LRP1B: variants seen among roughly 807,000 people sequenced by gnomAD.
LRP1B encodes low-density lipoprotein receptor-related protein 1B.
A neutral mutation model predicts 556.6 loss-of-function variants in LRP1B; 217 were observed. That is an observed-to-expected ratio of 0.39 (90% CI 0.35 to 0.44). The LOEUF (loss-of-function observed/expected upper bound fraction) is 0.44. Ranked by LOEUF, LRP1B falls within the 20% of genes least tolerant of loss-of-function variation. The probability of loss-of-function intolerance (pLI) is 1.00; values close to 1 mark genes in which losing one functional copy is unlikely to be tolerated. For missense variants in LRP1B, 5,053 were observed against 5,620.8 expected, an observed-to-expected ratio of 0.90 and a Z score of 3.23; for synonymous variants, 2,047 against 1,865.8, an observed-to-expected ratio of 1.10 and a Z score of -2.50.
chr2:141,590,696 T>G (rs1687304183), intron 2 of LRP1B, among the ~76,000 whole-genome samples: 1 of 152,158 alleles, frequency 6.6e-6, no homozygotes, highest in African/African-American at 2.4e-5. Context: ...TGGGCACTTG[T>G]GCTCCTCTTC....
At chr2:141,475,344 G>A (rs1383171923) in intron 3 of LRP1B, among the ~76,000 whole-genome samples, 4 of 152,158 alleles carry the variant, frequency 2.6e-5, no homozygotes, top group Admixed American at 2.6e-4. Flanking sequence ...TCCAGCCTGG[G>A]CAACAGAGCA....
intron 20 of LRP1B, among the ~76,000 whole-genome samples, chr2:140,937,364 A>T (rs904296419): frequency 6.6e-6 from 1 of 152,164 alleles, no homozygotes; most frequent in Non-Finnish European, 1.5e-5. Flanking sequence ...CAAATACTGT[A>T]GGATTCCACT....
intron 84 of LRP1B, among the ~76,000 whole-genome samples, chr2:140,282,217 C>T (rs1682943693): frequency 6.6e-6 from 1 of 151,768 alleles, no homozygotes; most frequent in African/African-American, 2.4e-5. Flanking sequence ...GGTTTAGCAC[C>T]TTCTTTTAGT....
chr2:141,405,080 C>T (rs565335599), intron 3 of LRP1B, among the ~76,000 whole-genome samples: 2 of 151,284 alleles, frequency 1.3e-5, no homozygotes, highest in Admixed American at 6.6e-5. Flanking sequence ...GCGACAAGAG[C>T]GAGACTCCGT....
At chr2:141,958,793 A>G (rs1333520872) in intron 1 of LRP1B, among the ~76,000 whole-genome samples, 1 of 152,036 alleles carries the variant, frequency 6.6e-6, no homozygotes, top group Non-Finnish European at 1.5e-5. Flanking sequence ...TGCAGCTGTA[A>G]CTATAAACTC....
chr2:140,615,150 T>C (rs1683212782), intron 41 of LRP1B, among the ~76,000 whole-genome samples: 1 of 152,026 alleles, frequency 6.6e-6, no homozygotes, highest in Non-Finnish European at 1.5e-5. Context: ...CCTAAGATTG[T>C]TATTTGAGGT....
chr2:141,388,842 A>T (rs1431279413), intron 3 of LRP1B, among the ~76,000 whole-genome samples: 1 of 152,204 alleles, frequency 6.6e-6, no homozygotes, highest in Non-Finnish European at 1.5e-5. Flanking sequence ...ACAAAAATTG[A>T]TTATGTTCCT....
intron 47 of LRP1B, among the ~76,000 whole-genome samples, chr2:140,533,622 G>A (rs1690818175): frequency 6.6e-6 from 1 of 152,070 alleles, no homozygotes; most frequent in South Asian, 2.1e-4. Context: ...TATGTGGGAA[G>A]GAGAAATTAA....
rs1319954266 is a variant in LRP1B at position 140,884,702 on chromosome 2, A to T, written c.3965-681T>A. ...CACTATTGAATTTCTTTCACAATTTAAAAAAAAATCTTTTTTTCTACTTTT... is the reference window on the plus strand; with the variant it reads ...CACTATTGAATTTCTTTCACAATTTTAAAAAAAATCTTTTTTTCTACTTTT... On this transcript the variant is annotated intron_variant, in intron 24 of 90. Transcript: ENST00000389484. 2.6e-5 allele frequency among the ~76,000 whole-genome samples: 4 copies of T among 151,840 alleles called. No homozygotes were observed. The East Asian group carries it at 5.8e-4, about 22-fold the overall frequency.
intron 22 of LRP1B, among the ~76,000 whole-genome samples, chr2:140,903,985 T>C (rs1270064868): frequency 6.6e-6 from 1 of 152,098 alleles, no homozygotes; most frequent in East Asian, 1.9e-4. Flanking sequence ...AGATTAGCTT[T>C]TTAAATAGCA....
At chr2:140,772,966 G>A (rs1421815811) in intron 33 of LRP1B, among the ~76,000 whole-genome samples, 1 of 151,976 alleles carries the variant, frequency 6.6e-6, no homozygotes, top group Non-Finnish European at 1.5e-5. Context: ...CAGGTGTGGT[G>A]GCTACACCTG....
intron 2 of LRP1B, among the ~76,000 whole-genome samples, chr2:141,522,907 CA>C (rs1684575006): frequency 6.6e-6 from 1 of 152,128 alleles, no homozygotes; most frequent in African/African-American, 2.4e-5. Context: ...CTCTTGTCAT[CA>C]ATGAACTAAT....
chr2:141,544,333 T>TCTTCTTCTTCTTCTTCTTCTTCTTCTC (rs1685427474), intron 2 of LRP1B, among the ~76,000 whole-genome samples: 1 of 76,844 alleles, frequency 1.3e-5, no homozygotes, highest in African/African-American at 5.3e-5. Context: ...TTCTTCTTCT[T>TCTTCTTCTTCTTCTTCTTCTTCTTCTC]CTTCTTCTTC....
intron 1 of LRP1B, among the ~76,000 whole-genome samples, chr2:142,121,684 A>T (rs1050766302): frequency 6.7e-6 from 1 of 149,232 alleles, no homozygotes; most frequent in Non-Finnish European, 1.5e-5. Flanking sequence ...TCTTTTTAGC[A>T]AGGATGTTAT....
intron 88 of LRP1B, among the ~76,000 whole-genome samples, chr2:140,238,916 T>A (rs1466580478): frequency 6.6e-6 from 1 of 150,924 alleles, no homozygotes; most frequent in Non-Finnish European, 1.5e-5. Flanking sequence ...CGTCCATTTG[T>A]AAGTGAGCAC....
At chr2:141,199,210 T>C (rs565541527) in intron 6 of LRP1B, among the ~76,000 whole-genome samples, 1 of 152,154 alleles carries the variant, frequency 6.6e-6, no homozygotes, top group Admixed American at 6.5e-5. Context: ...CTTTCAGAAA[T>C]ACATCATCAA....
At chr2:141,882,946 T>A (rs1699001597) in intron 1 of LRP1B, among the ~76,000 whole-genome samples, 1 of 152,184 alleles carries the variant, frequency 6.6e-6, no homozygotes, top group Non-Finnish European at 1.5e-5. Flanking sequence ...GGCAAACGTA[T>A]GTTGGCTGTT....
chr2:141,222,573 C>CA (rs1402725940), intron 6 of LRP1B, among the ~76,000 whole-genome samples: 2 of 152,068 alleles, frequency 1.3e-5, no homozygotes, highest in East Asian at 3.9e-4. Context: ...AGAGCTATTA[C>CA]AAAAAAAGGA....
intron 45 of LRP1B, among the ~76,000 whole-genome samples, chr2:140,537,041 C>T (rs376816934): frequency 2.7e-5 from 4 of 150,570 alleles, no homozygotes; most frequent in South Asian, 2.1e-4. Context: ...CATGGTGGCA[C>T]GCGCCTGTAG....
Sources: gnomAD v4.1 joint callset for allele counts (sites outside exome capture counted in the v4.1 genomes callset) on GRCh38, gnomAD v4.1.1 for gene constraint, MANE v1.5 for transcripts, NCBI Gene and HGNC (gene_info 2026-07-23, HGNC 2026-07-21) for gene names.